The following FBN3 variants were observed in gnomAD, a reference collection of about 807,000 sequenced individuals.
The protein encoded by FBN3 is fibrillin-3.
Under a neutral mutation model 330.1 loss-of-function variants are expected in FBN3, and 234 were observed. That is an observed-to-expected ratio of 0.71 (90% CI 0.64 to 0.79). The LOEUF is 0.79. Ranked by LOEUF, FBN3 falls within the 30% of genes least tolerant of loss-of-function variation. The pLI is 0.00. For missense variants in FBN3, 3,606 were observed against 3,886.9 expected (o/e 0.93, Z 1.92); for synonymous variants, 1,458 against 1,517.3 (o/e 0.96, Z 0.91).
At chr19:8,122,512 G>A (rs1460029809) in intron 24 of FBN3, among the ~76,000 whole-genome samples, 4 of 151,832 alleles carry the variant, frequency 2.6e-5, no homozygotes, top group Non-Finnish European at 4.4e-5. Context: ...GATTACAGGC[G>A]CCCGCCACCA....
At chr19:8,087,252 ACC>A in intron 53 of FBN3, 41 bp from the exon 54 acceptor site, 1 of 1,522,058 alleles carries the variant, frequency 6.6e-7, no homozygotes, top group Non-Finnish European at 8.8e-7. Context: ...AAGGCCAGGC[ACC>A]CTATGGCTGT....
chr19:8,106,046 G>A (rs550065259), intron 38 of FBN3, 62 bp downstream of exon 38: 1 of 1,596,120 alleles, frequency 6.3e-7, no homozygotes, highest in South Asian at 1.1e-5. Flanking sequence ...AGGCTTGGCA[G>A]GGCAGGAAGG....
At chr19:8,068,064 CA>C (rs1175326536) in intron 63 of FBN3, among the ~76,000 whole-genome samples, 1 of 150,058 alleles carries the variant, frequency 6.7e-6, no homozygotes, top group Admixed American at 6.6e-5. Context: ...CCCTGCTCCC[CA>C]AAAAAAAGAA....
chr19:8,084,996 CCTT>C (rs2081903042), intron 56 of FBN3, among the ~76,000 whole-genome samples: 2 of 152,046 alleles, frequency 1.3e-5, no homozygotes, highest in East Asian at 3.9e-4. Context: ...AAGCAATCCT[CCTT>C]CTTCAGCCTC....
chr19:8,121,507 AG>A lies in FBN3; in HGVS notation c.3083-122del. On this transcript the variant is annotated intron_variant, in intron 24 of 63. Transcript: ENST00000600128. This position sits in a 1 kb window ranked among gnomAD's most constrained non-coding sequence, Gnocchi z 4.5. Reference sequence around the variant, plus strand: ...TAGAGGAAGCCCATCTGCAGACATAAGGAGGCACAGGCCAAGAGGGGAGGCA... The same window carrying A: ...TAGAGGAAGCCCATCTGCAGACATAAGAGGCACAGGCCAAGAGGGGAGGCA... 1 of 989,126 alleles carries A rather than the reference AG, an allele frequency of 1.0e-6. No individual in the cohort carries two copies. Among genetic ancestry groups the A allele is most frequent in the Non-Finnish European group, 1.4e-6 (1 of 702,052 alleles). The allele number at this position is 989,126 out of a possible 1,614,324, so 61.3% of individuals were successfully genotyped here.
chr19:8,110,018 T>C (rs1206571698), intron 34 of FBN3, among the ~76,000 whole-genome samples: 2 of 152,226 alleles, frequency 1.3e-5, no homozygotes, highest in African/African-American at 4.8e-5. Context: ...CTGGGTTCCA[T>C]GCAGTCAACA....
intron 25 of FBN3, among the ~76,000 whole-genome samples, chr19:8,119,813 C>CTTTTTTTTTTT (rs869084219): frequency 4.1e-5 from 2 of 48,782 alleles, no homozygotes; most frequent in Non-Finnish European, 3.4e-5. Flanking sequence ...CGAGCCCAGC[C>CTTTTTTTTTTT]TTTTTTTTTT....
chr19:8,142,230 C>G (rs770093000), intron 6 of FBN3, 93 bp from the exon 7 acceptor site: 205 of 988,818 alleles, frequency 2.1e-4, no homozygotes, highest in Admixed American at 3.4e-4. Context: ...CCCCTGCACC[C>G]ACAGACCAGG....
intron 8 of FBN3, among the ~76,000 whole-genome samples, chr19:8,141,391 A>T (rs1239759596): frequency 6.8e-6 from 1 of 148,106 alleles, no homozygotes; most frequent in East Asian, 2.0e-4. Context: ...AAAAAGAGAG[A>T]GACAGACAGC....
At chr19:8,135,935 T>TTGGGGGGGGGGGGGGGGGGGGCG in intron 13 of FBN3, 26 bp downstream of exon 13, 33 of 1,344,154 alleles carry the variant, frequency 2.5e-5, no homozygotes, top group South Asian at 2.6e-5. Flanking sequence ...CGGAAGCCCC[T>TTGGGGGGGGGGGGGGGGGGGGCG]GCCCACCCGC....
chr19:8,097,332 G>A lies in FBN3; in HGVS notation c.5244C>T (p.Cys1748=), dbSNP rs2082233444. The A allele has an allele frequency of 2.5e-6, 4 of 1,609,858 alleles. No individual in the cohort carries two copies. Among genetic ancestry groups the A allele is most frequent in the African/African-American group, 1.3e-5 (1 of 74,884 alleles). Reference sequence around the variant, plus strand: ...TGCTGTTGTAGTTGAAGCCTGCGGGGCACTCGCAGCGGAAACTCCCGATCT... The same window carrying A: ...TGCTGTTGTAGTTGAAGCCTGCGGGACACTCGCAGCGGAAACTCCCGATCT... ...INQIGSFRCE[C]PAGFNYNSIL... The change falls in exon 42 of 64, where the codon TGC becomes TGT. Residue 1748 remains cysteine (C), a synonymous_variant. Transcript: ENST00000600128.
intron 59 of FBN3, 27 bp from the exon 60 acceptor site, chr19:8,075,438 T>C (rs750286906): frequency 8.8e-6 from 14 of 1,599,650 alleles, no homozygotes; most frequent in Non-Finnish European, 1.2e-5. Flanking sequence ...TCAGGCAGGG[T>C]TGCCTGCTGG....
chr19:8,124,890 A>G (rs1263855437), intron 22 of FBN3, among the ~76,000 whole-genome samples: 2 of 152,198 alleles, frequency 1.3e-5, no homozygotes, highest in Admixed American at 6.5e-5. Context: ...AATGGTGAAC[A>G]TACGTCATTA....
Position 8,109,550 on chromosome 19 carries a change from C to A in FBN3, c.4456+81G>T. On this transcript the variant is annotated intron_variant, in intron 35 of 63. Coordinates refer to ENST00000600128, the MANE Select transcript of FBN3 (RefSeq NM_032447.5). The surrounding 1 kb of genome is among the most constrained non-coding windows in gnomAD (Gnocchi z 5.2). The stretch of plus-strand genomic sequence containing the variant: ...GAGCAGGTAGATTTGAACACGTTGA[C>A]ATCTGAGTTAACCCAGTGGGGCAAT... 2 of 1,546,128 alleles carry A rather than the reference C, an allele frequency of 1.3e-6. No individual in the cohort carries two copies. Among genetic ancestry groups the A allele is most frequent in the Non-Finnish European group, 1.8e-6 (2 of 1,139,976 alleles).
At position 8,065,872 on chromosome 19, in the gene FBN3, G is replaced by T; in HGVS notation, c.*47C>A. On this transcript the variant is annotated 3_prime_UTR_variant, in exon 64 of 64. Coordinates refer to ENST00000600128, the MANE Select transcript of FBN3 (RefSeq NM_032447.5). ...TGGGGATCAGTCCTTCCCAGTTCCA[G>T]AATCCCCCTTCTCTGGACAGCTGGG... 7.0e-7 allele frequency: 1 copy of T among 1,428,450 alleles called. No homozygotes were observed. Among genetic ancestry groups the T allele is most frequent in the Non-Finnish European group, 9.5e-7 (1 of 1,052,274 alleles). 88.5% of individuals were successfully genotyped at this position (1,428,450 alleles called of 1,614,324 possible).
intron 13 of FBN3, among the ~76,000 whole-genome samples, chr19:8,134,619 C>T (rs2144991734): frequency 6.6e-6 from 1 of 152,178 alleles, no homozygotes; most frequent in Non-Finnish European, 1.5e-5. Context: ...CTAGGCAACA[C>T]AGTGAGACCC....
chr19:8,086,352 G>A (rs768443118), intron 54 of FBN3, 27 bp from the exon 55 acceptor site: 15 of 1,572,290 alleles, frequency 9.5e-6, no homozygotes, highest in Non-Finnish European at 1.3e-5. Flanking sequence ...GAGGCAGGTG[G>A]GCGGGGAGGC....
Position 8,131,889 on chromosome 19 carries a change from C to T in FBN3, c.1715-60G>A. On this transcript the variant is annotated intron_variant, in intron 14 of 63. Transcript: ENST00000600128. This position sits in a 1 kb window ranked among gnomAD's most constrained non-coding sequence, Gnocchi z 4.5. ...AGCGTGCTCCCTTCCTCTCTCCCCT[C>T]CCCATCTCCCAACATTTCCATCTTC... 2 of 1,445,280 alleles carry T rather than the reference C, an allele frequency of 1.4e-6. No individual in the cohort carries two copies. Among genetic ancestry groups the T allele is most frequent in the Non-Finnish European group, 1.8e-6 (2 of 1,093,958 alleles). 89.5% of individuals were successfully genotyped at this position (1,445,280 alleles called of 1,614,324 possible).
Position 8,115,584 on chromosome 19 carries a change from T to A in FBN3, c.3769A>T (p.Thr1257Ser), listed in dbSNP as rs1568416800. 1 of 1,614,018 alleles carries A rather than the reference T, an allele frequency of 6.2e-7. No homozygotes were observed. Among genetic ancestry groups the A allele is most frequent in the East Asian group, 2.2e-5 (1 of 44,854 alleles). ...CAGTGGCAGACAAAGGAACCCTTCGTGTTCTCGCAGTCCCCATGGAGGCAG... is the reference window on the plus strand; with the variant it reads ...CAGTGGCAGACAAAGGAACCCTTCGAGTTCTCGCAGTCCCCATGGAGGCAG... ...HICLHGDCEN[T>S]KGSFVCHCQL... The change falls in exon 30 of 64, where the codon ACG (threonine) becomes TCG (serine). Residue 1257 changes from threonine to serine, a missense_variant. Transcript: ENST00000600128.
Sources: allele counts gnomAD v4.1 joint callset (sites outside exome capture counted in the v4.1 genomes callset), GRCh38; gene constraint gnomAD v4.1.1; non-coding constraint Gnocchi (gnomAD v3.1); transcripts MANE v1.5; gene names NCBI Gene and HGNC (gene_info 2026-07-23, HGNC 2026-07-21).